Variants in DPP6 observed in about 807,000 individuals in gnomAD.
DPP6 encodes dipeptidyl peptidase like 6, also known as A-type potassium channel modulatory protein DPP6.
In DPP6, 69 loss-of-function variants were observed where a neutral mutation model predicts 122.6. The ratio of observed to expected loss-of-function variants is 0.56; its 90% CI spans 0.46 to 0.69. The LOEUF is 0.69. Ranked by LOEUF, DPP6 falls within the 30% of genes least tolerant of loss-of-function variation. The pLI, the probability that DPP6 is intolerant of heterozygous loss-of-function variation, is 0.00. For missense variants in DPP6, 928 were observed against 1,116.9 expected, an observed-to-expected ratio of 0.83 and a Z score of 2.41; for synonymous variants, 418 against 433.1, an observed-to-expected ratio of 0.97 and a Z score of 0.43.
chr7:153,966,397 T>C (rs1249275189), intron 1 of DPP6, among the ~76,000 whole-genome samples: 3 of 149,664 alleles, frequency 2.0e-5, no homozygotes, highest in African/African-American at 7.4e-5. Context: ...AGGCACCAGC[T>C]GTCAGTGGTG....
chr7:154,170,171 T>G (rs939985013), intron 1 of DPP6, among the ~76,000 whole-genome samples: 1 of 152,158 alleles, frequency 6.6e-6, no homozygotes, highest in Non-Finnish European at 1.5e-5. Flanking sequence ...CAACAGGCTC[T>G]GATCAAAGCC....
chr7:154,574,408 ATG>A (rs1419111141), intron 5 of DPP6, among the ~76,000 whole-genome samples: 3 of 91,688 alleles, frequency 3.3e-5, no homozygotes, highest in African/African-American at 8.8e-5. Context: ...TGGTGTGTGT[ATG>A]TGTGGTGTGT....
chr7:154,255,069 C>A (rs62485807), intron 1 of DPP6, among the ~76,000 whole-genome samples: 24,175 of 152,042 alleles, frequency 0.16, 2,328 homozygotes, highest in Non-Finnish European at 0.21. Context: ...AAGATGTAGA[C>A]AATTCTGGAT....
intron 5 of DPP6, among the ~76,000 whole-genome samples, chr7:154,614,297 TG>T (rs1355990376): frequency 6.6e-6 from 1 of 152,216 alleles, no homozygotes; most frequent in Non-Finnish European, 1.5e-5. Context: ...GGTTTAATTA[TG>T]GGAGGAGTTA....
chr7:154,082,561 A>G (rs1178683363), intron 1 of DPP6, among the ~76,000 whole-genome samples: 3 of 151,840 alleles, frequency 2.0e-5, no homozygotes, highest in Non-Finnish European at 4.4e-5. Context: ...ATTAAACGAC[A>G]TGAAGTACAG....
At chr7:154,847,599 A>G (rs953735116) in intron 16 of DPP6, among the ~76,000 whole-genome samples, 2 of 152,184 alleles carry the variant, frequency 1.3e-5, no homozygotes, top group African/African-American at 4.8e-5. Flanking sequence ...ACATATATAC[A>G]TTGTGGAATG....
chr7:154,130,247 A>G (rs1232471892), intron 1 of DPP6, among the ~76,000 whole-genome samples: 1 of 152,166 alleles, frequency 6.6e-6, no homozygotes, highest in Non-Finnish European at 1.5e-5. Flanking sequence ...AGAAGGCAGA[A>G]CTTTCAGCTT....
At chr7:153,807,358 G>A in the DPP6 span, among the ~76,000 whole-genome samples, 74 of 151,618 alleles carry the variant, frequency 4.9e-4, 2 homozygotes, top group African/African-American at 1.8e-3. Context: ...AGCCGAGATC[G>A]TGCCACAGCC....
At chr7:154,414,645 T>A (rs759753794) in intron 1 of DPP6, among the ~76,000 whole-genome samples, 11 of 152,220 alleles carry the variant, frequency 7.2e-5, no homozygotes, top group Non-Finnish European at 1.6e-4. Flanking sequence ...AAAACAGATC[T>A]GCTGTCAGAC....
At chr7:154,436,249 C>T (rs1818851856) in intron 1 of DPP6, among the ~76,000 whole-genome samples, 1 of 150,912 alleles carries the variant, frequency 6.6e-6, no homozygotes, top group Admixed American at 6.6e-5. Context: ...TCACGCCTCA[C>T]TCCTGACATG....
intron 1 of DPP6, among the ~76,000 whole-genome samples, chr7:153,937,756 C>T (rs1801524497): frequency 6.6e-6 from 1 of 152,104 alleles, no homozygotes; most frequent in African/African-American, 2.4e-5. Context: ...CCAGAGCTAC[C>T]TTTGATGCCC....
At chr7:153,750,638 ACAAATACTTGCTC>A in the DPP6 span, among the ~76,000 whole-genome samples, 1 of 136,324 alleles carries the variant, frequency 7.3e-6, no homozygotes, top group South Asian at 2.7e-4. Flanking sequence ...CAGGTGTCCA[ACAAATACTTGCTC>A]CAATGAATCA....
chr7:153,835,241 G>A, the DPP6 span, among the ~76,000 whole-genome samples: 2 of 152,104 alleles, frequency 1.3e-5, no homozygotes, highest in African/African-American at 4.8e-5. Flanking sequence ...TAATGCTGAC[G>A]TGGCTTTTAA....
chr7:153,841,721 T>C, the DPP6 span, among the ~76,000 whole-genome samples: 6 of 152,162 alleles, frequency 3.9e-5, no homozygotes, highest in South Asian at 6.2e-4. Context: ...TTCTAAGCAT[T>C]TACCGTGAAG....
At chr7:154,677,667 G>A (rs965508787) in intron 7 of DPP6, among the ~76,000 whole-genome samples, 47 of 152,200 alleles carry the variant, frequency 3.1e-4, no homozygotes, top group Non-Finnish European at 6.3e-4. Context: ...GAGCGCGTGG[G>A]GAGAACCATC....
intron 1 of DPP6, among the ~76,000 whole-genome samples, chr7:154,157,793 C>A (rs578211997): frequency 6.6e-5 from 10 of 151,812 alleles, no homozygotes; most frequent in Non-Finnish European, 1.3e-4. Flanking sequence ...ATTAGCTGGG[C>A]GTGGTGGCAC....
chr7:153,916,434 C>T (rs185730314), intron 1 of DPP6, among the ~76,000 whole-genome samples: 8 of 133,904 alleles, frequency 6.0e-5, no homozygotes, highest in East Asian at 2.7e-4. Context: ...CTCCCCTCTT[C>T]GAAGTCTATC....
intron 5 of DPP6, among the ~76,000 whole-genome samples, chr7:154,607,345 G>A (rs1833620408): frequency 8.5e-6 from 1 of 116,984 alleles, no homozygotes; most frequent in African/African-American, 2.7e-5. Context: ...GGATCACGAG[G>A]TTAGGAGATT....
chr7:154,783,700 G>C (rs79707702), intron 10 of DPP6, among the ~76,000 whole-genome samples: 2 of 152,238 alleles, frequency 1.3e-5, no homozygotes, highest in South Asian at 4.1e-4. Flanking sequence ...AGTCTTACTC[G>C]GGGCATGGGA....
Sources: allele counts gnomAD v4.1 joint callset (sites outside exome capture counted in the v4.1 genomes callset), GRCh38; gene constraint gnomAD v4.1.1; transcripts MANE v1.5; gene names NCBI Gene and HGNC (gene_info 2026-07-23, HGNC 2026-07-21).